Variants in DYNC2H1 observed in about 807,000 individuals in gnomAD.
DYNC2H1 encodes the protein dynein cytoplasmic 2 heavy chain 1.
A neutral mutation model predicts 570.0 loss-of-function variants in DYNC2H1; 410 were observed. That is an observed-to-expected ratio of 0.72 (90% confidence interval 0.66 to 0.78). The LOEUF (loss-of-function observed/expected upper bound fraction) is 0.78, where lower values mean the gene tolerates loss of function less well. DYNC2H1 is among the 30% of genes least tolerant of loss of function. DYNC2H1 has a pLI of 0.00. For missense variants in DYNC2H1, 4,865 were observed against 5,046.4 expected, an observed-to-expected ratio of 0.96 and a Z score of 1.09; for synonymous variants, 1,688 against 1,677.6, an observed-to-expected ratio of 1.01 and a Z score of -0.15.
At chr11:103,123,686 A>G (rs1457826696) in intron 11 of DYNC2H1, among the ~76,000 whole-genome samples, 5 of 152,192 alleles carry the variant, frequency 3.3e-5, no homozygotes, top group Non-Finnish European at 7.3e-5. Flanking sequence ...AAATTTGCAT[A>G]CTTTATCATT....
In DYNC2H1 at chr11:103,203,616, G is replaced by A. The variant is rs765798812; in HGVS notation, c.8198-47G>A. 7 of 1,230,910 alleles carry A rather than the reference G, an allele frequency of 5.7e-6. No individual in the cohort carries two copies. In the Admixed American group the frequency reaches 9.6e-5, roughly 17 times the overall value. 76.2% of individuals were successfully genotyped at this position (1,230,910 alleles called of 1,614,324 possible). A position where few individuals can be genotyped will look rare whatever the true frequency, so the allele number is the denominator to read the frequency against. On this transcript the variant is annotated intron_variant, in intron 50 of 88. Coordinates refer to ENST00000375735, the MANE Select transcript of DYNC2H1 (RefSeq NM_001377.3). The surrounding 1 kb of genome is among the most constrained non-coding windows in gnomAD (Gnocchi z 4.7). ...ATTTTTAAATACAAAAATTGAAAAA[G>A]CATCATTTATTAAAATGTTTTCAAT...
chr11:103,458,908 G>A (rs751093803), intron 87 of DYNC2H1, among the ~76,000 whole-genome samples: 2 of 152,022 alleles, frequency 1.3e-5, no homozygotes, highest in African/African-American at 2.4e-5. Context: ...CTGGGCTCAA[G>A]CAATCCACCT....
chr11:103,198,143 G>A, intron 48 of DYNC2H1, 80 bp downstream of exon 48: 1 of 1,427,916 alleles, frequency 7.0e-7, no homozygotes, highest in Non-Finnish European at 9.5e-7. Flanking sequence ...TATTTAGAGG[G>A]CATGAATATG....
At chr11:103,410,843 G>A (rs566710686) in intron 84 of DYNC2H1, among the ~76,000 whole-genome samples, 2 of 152,268 alleles carry the variant, frequency 1.3e-5, no homozygotes, top group Non-Finnish European at 2.9e-5. Flanking sequence ...GCACGAAATT[G>A]ACCAACCCTA....
At chr11:103,316,516 G>A (rs1937851589) in intron 79 of DYNC2H1, 29 bp from the exon 80 acceptor site, 1 of 1,485,338 alleles carries the variant, frequency 6.7e-7, no homozygotes, top group Non-Finnish European at 9.1e-7. Context: ...CTGCTTAGTT[G>A]TTTACTTAAA....
intron 87 of DYNC2H1, among the ~76,000 whole-genome samples, chr11:103,464,422 A>G (rs977215432): frequency 6.6e-6 from 1 of 152,208 alleles, no homozygotes; most frequent in Admixed American, 6.5e-5. Context: ...AGTATAAAAC[A>G]GAGAGAATGA....
chr11:103,437,001 ATACAGTG>A (rs1454883386), intron 85 of DYNC2H1, among the ~76,000 whole-genome samples: 1 of 152,126 alleles, frequency 6.6e-6, no homozygotes, highest in African/African-American at 2.4e-5. Flanking sequence ...GAAACTTCAG[ATACAGTG>A]TACAGTGTAC....
rs1942350515 is a variant in DYNC2H1, at chr11:103,395,241, A to G, written c.12157-4422A>G. Among the ~76,000 whole-genome samples the G allele has an allele frequency of 6.6e-6, 1 of 152,150 alleles. No individual in the cohort carries two copies. Among genetic ancestry groups the G allele is most frequent in the Non-Finnish European group, 1.5e-5 (1 of 68,026 alleles). ...TGTGAAAAATGGAAATGTATGGTGT[A>G]TATGATTGAAAAGGTGTTAAAATGT... On this transcript the variant is annotated intron_variant, in intron 83 of 88. Coordinates refer to ENST00000375735, the MANE Select transcript of DYNC2H1 (RefSeq NM_001377.3). This position sits in a 1 kb window ranked among gnomAD's most constrained non-coding sequence, Gnocchi z 4.3.
intron 85 of DYNC2H1, among the ~76,000 whole-genome samples, chr11:103,454,365 GTCTA>G (rs1236955974): frequency 6.6e-6 from 1 of 152,082 alleles, no homozygotes; most frequent in African/African-American, 2.4e-5. Context: ...TTCTGAATCA[GTCTA>G]TCTCTTAAAG....
intron 84 of DYNC2H1, among the ~76,000 whole-genome samples, chr11:103,409,320 C>T (rs1365872083): frequency 1.3e-5 from 2 of 151,962 alleles, no homozygotes; most frequent in Non-Finnish European, 2.9e-5. Flanking sequence ...TGGAGGATAT[C>T]TTCATGTTAC....
At chr11:103,120,270 T>A (rs1205522569) in intron 6 of DYNC2H1, among the ~76,000 whole-genome samples, 177 bp from the exon 7 acceptor site, 2 of 152,208 alleles carry the variant, frequency 1.3e-5, no homozygotes. Context: ...TTTTTGAGCA[T>A]CACTTTGTTG....
chr11:103,401,650 C>T (rs544011453), intron 84 of DYNC2H1, among the ~76,000 whole-genome samples: 262 of 152,240 alleles, frequency 1.7e-3, no homozygotes, highest in South Asian at 3.9e-3. Context: ...CATCTCTAAA[C>T]TTCGCTTTTC....
Position 103,174,123 on chromosome 11 carries a change from G to A in DYNC2H1, c.5627G>A (p.Ser1876Asn), listed in dbSNP as rs1444400586. 8 of 1,589,662 alleles carry A rather than the reference G, an allele frequency of 5.0e-6. No homozygotes were observed. Among genetic ancestry groups the A allele is most frequent in the Non-Finnish European group, 6.9e-6 (8 of 1,166,610 alleles). The change falls in exon 36 of 89, where the codon AGT becomes AAT. Residue 1876 changes from serine to asparagine, a missense_variant. Physicochemically the swap from Ser to Asn is conservative, Grantham distance 46. Around this residue, in one of 5 missense-constraint regions of DYNC2H1, gnomAD observed 292 missense variants for 300.2 expected, o/e 0.97. Coordinates refer to ENST00000375735, the MANE Select transcript of DYNC2H1 (RefSeq NM_001377.3). ...LRALKTVLRG[S>N]GNLLRQLNKS... ...GCTTTGAAGACAGTTCTGAGAGGAA[G>A]TGGAAATCTCCTTAGACAGCTAAAC...
intron 82 of DYNC2H1, among the ~76,000 whole-genome samples, chr11:103,331,924 G>A (rs927543434): frequency 3.9e-5 from 6 of 152,084 alleles, no homozygotes; most frequent in African/African-American, 1.4e-4. Flanking sequence ...GCCAGGCGTG[G>A]TGGCACGTGC....
At chr11:103,281,452 C>A (rs1299270773) in intron 71 of DYNC2H1, among the ~76,000 whole-genome samples, 1 of 151,980 alleles carries the variant, frequency 6.6e-6, no homozygotes, top group Non-Finnish European at 1.5e-5. Context: ...TAGTAGTAAT[C>A]ATTCATATTT....
intron 88 of DYNC2H1, chr11:103,474,177 G>GCTAGA (rs1945480480): frequency 6.1e-6 from 1 of 164,318 alleles, no homozygotes; most frequent in South Asian, 1.2e-4. Context: ...TTGAAACCTA[G>GCTAGA]CTAGACATTC....
chr11:103,263,022 C>CAAAAAAAAAAAAA (rs35912109), intron 70 of DYNC2H1, among the ~76,000 whole-genome samples: 8 of 39,964 alleles, frequency 2.0e-4, no homozygotes, highest in African/African-American at 2.2e-4. Context: ...AAATGGAAAG[C>CAAAAAAAAAAAAA]AAAAAAAAAA....
chr11:103,414,647 C>CAAAAACTCCTTA (rs1943212640), intron 84 of DYNC2H1, among the ~76,000 whole-genome samples: 1 of 152,044 alleles, frequency 6.6e-6, no homozygotes, highest in Non-Finnish European at 1.5e-5. Flanking sequence ...CATCTCAGCC[C>CAAAAACTCCTTA]AGAAACTCCT....
intron 83 of DYNC2H1, among the ~76,000 whole-genome samples, chr11:103,368,883 G>C (rs897006519): frequency 6.6e-6 from 1 of 151,970 alleles, no homozygotes. Flanking sequence ...AAATCAGTTG[G>C]CTGACTTTGG....
Sources: gnomAD v4.1 joint callset for allele counts (sites outside exome capture counted in the v4.1 genomes callset) on GRCh38, gnomAD v4.1.1 for gene constraint, gnomAD v4.1.1 regional missense constraint, Gnocchi (gnomAD v3.1) non-coding constraint, MANE v1.5 for transcripts, NCBI Gene and HGNC (gene_info 2026-07-23, HGNC 2026-07-21) for gene names.